Variants in MRTFB observed in about 807,000 individuals in gnomAD.
MRTFB encodes the protein myocardin-related transcription factor B.
MRTFB carries 29 observed loss-of-function variants against 104.2 expected under a neutral mutation model. That is an observed-to-expected ratio of 0.28 (90% CI 0.21 to 0.38). The LOEUF (loss-of-function observed/expected upper bound fraction) is 0.38. MRTFB is among the 10% of genes least tolerant of loss of function. The pLI, the probability that MRTFB is intolerant of heterozygous loss-of-function variation, is 1.00. For missense variants in MRTFB, 1,270 were observed against 1,341.6 expected, an observed-to-expected ratio of 0.95 and a Z score of 0.83; for synonymous variants, 535 against 519.5, an observed-to-expected ratio of 1.03 and a Z score of -0.41.
chr16:14,006,024 A>G, the MRTFB span, among the ~76,000 whole-genome samples: 19 of 152,232 alleles, frequency 1.2e-4, no homozygotes, highest in East Asian at 3.3e-3. Context: ...CCTGGCCAAC[A>G]TGGTGAAACC....
rs1282067453 is a variant in MRTFB at position 14,246,662 on chromosome 16, A to G, written c.1402A>G (p.Thr468Ala). 1.9e-6 allele frequency: 3 copies of G among 1,614,082 alleles called. No homozygotes were observed. The African/African-American group carries it at 4.0e-5, about 22-fold the overall frequency. ...NPEVTVALPV[T>A]TLHNTVTSSV... The stretch of plus-strand genomic sequence containing the variant: ...AGAAGTCACTGTGGCCTTGCCGGTT[A>G]CAACACTACACAACACTGTGACTAG... The change falls in exon 12 of 17, where the codon ACA becomes GCA. Residue 468 changes from threonine (T) to alanine (A), a missense_variant. This residue lies in a region of MRTFB where 1,144 missense variants were observed against 1,131.5 expected (regional missense o/e 1.01). Transcript: ENST00000571589.
At chr16:14,157,968 G>A in intron 3 of MRTFB, among the ~76,000 whole-genome samples, 1 of 152,074 alleles carries the variant, frequency 6.6e-6, no homozygotes, top group East Asian at 1.9e-4. Flanking sequence ...TTGAATTAAT[G>A]CATTAATTGG....
chr16:14,216,476 C>T (rs1231969691), intron 6 of MRTFB, among the ~76,000 whole-genome samples: 1 of 152,174 alleles, frequency 6.6e-6, no homozygotes, highest in Admixed American at 6.5e-5. Context: ...TATAGTTTTA[C>T]ATTGGTTGTA....
At chr16:13,998,514 T>C in the MRTFB span, among the ~76,000 whole-genome samples, 1 of 151,946 alleles carries the variant, frequency 6.6e-6, no homozygotes, top group Admixed American at 6.6e-5. Context: ...GGCATGAAGT[T>C]GCACACCTGT....
At chr16:14,021,674 GT>G in the MRTFB span, among the ~76,000 whole-genome samples, 5 of 152,150 alleles carry the variant, frequency 3.3e-5, no homozygotes, top group Admixed American at 3.3e-4. Flanking sequence ...AACATACAAT[GT>G]TTGGTTTTCC....
chr16:14,025,996 C>A, the MRTFB span, among the ~76,000 whole-genome samples: 1 of 152,138 alleles, frequency 6.6e-6, no homozygotes, highest in African/African-American at 2.4e-5. Flanking sequence ...TGGGGAGATG[C>A]ACCATGTTCA....
At chr16:14,239,581 A>G (rs936607938) in intron 9 of MRTFB, among the ~76,000 whole-genome samples, 2 of 152,214 alleles carry the variant, frequency 1.3e-5, no homozygotes, top group Non-Finnish European at 2.9e-5. Context: ...ACTGAAAAGT[A>G]TAAAGTGATC....
chr16:14,052,616 GTAATCC>G, the MRTFB span, among the ~76,000 whole-genome samples: 2 of 151,948 alleles, frequency 1.3e-5, no homozygotes, highest in Admixed American at 6.6e-5. Flanking sequence ...GCTTATGCCT[GTAATCC>G]CAGCTATTCG....
At chr16:14,254,681 C>A (rs1203426580) in intron 15 of MRTFB, among the ~76,000 whole-genome samples, 5 of 152,222 alleles carry the variant, frequency 3.3e-5, no homozygotes, top group Non-Finnish European at 7.3e-5. Context: ...TTAAGTCTAA[C>A]CAAGTTAATA....
At chr16:14,047,383 C>T in the MRTFB span, among the ~76,000 whole-genome samples, 2 of 152,180 alleles carry the variant, frequency 1.3e-5, no homozygotes, top group African/African-American at 4.8e-5. Context: ...AAGGGGCAGT[C>T]CCTGTAACAG....
In MRTFB at chr16:14,195,458, A is replaced by G. The variant is rs553226364; in HGVS notation, c.155-14785A>G. 96 of 904,678 alleles carry G rather than the reference A, an allele frequency of 1.1e-4. No homozygotes were observed. The Middle Eastern group carries it at 1.7e-3, about 16-fold the overall frequency. 56.0% of individuals were successfully genotyped at this position (904,678 alleles called of 1,614,324 possible). ...TACATAGGTATATGTACAAATGTGT[A>G]TATGTAAATATATTTGAGTGTGTGT... is the stretch of plus-strand genomic sequence containing the variant. On this transcript the variant is annotated intron_variant, in intron 3 of 16. Transcript: ENST00000571589.
intron 3 of MRTFB, among the ~76,000 whole-genome samples, chr16:14,172,092 A>T (rs1180392885): frequency 6.6e-6 from 1 of 152,148 alleles, no homozygotes; most frequent in African/African-American, 2.4e-5. Flanking sequence ...ATACAAAAAG[A>T]TGTCAGTAGA....
At chr16:14,082,058 G>C (rs995441454) in intron 2 of MRTFB, among the ~76,000 whole-genome samples, 2 of 152,156 alleles carry the variant, frequency 1.3e-5, no homozygotes, top group African/African-American at 4.8e-5. Context: ...AATCCCATTT[G>C]TCAGTTTGTG....
intron 2 of MRTFB, among the ~76,000 whole-genome samples, chr16:14,139,735 A>G (rs1275393180): frequency 6.6e-6 from 1 of 152,226 alleles, no homozygotes; most frequent in Admixed American, 6.5e-5. Context: ...AACAACCCAG[A>G]TGTCCATCAG....
At chr16:14,103,981 G>T (rs184533404) in intron 2 of MRTFB, among the ~76,000 whole-genome samples, 220 of 152,298 alleles carry the variant, frequency 1.4e-3, no homozygotes, top group Non-Finnish European at 1.8e-4. Flanking sequence ...CCATGATTTA[G>T]TATTGGCTGG....
At chr16:14,059,997 ATTTTTTTTTTTTT>A in the MRTFB span, among the ~76,000 whole-genome samples, 3 of 99,720 alleles carry the variant, frequency 3.0e-5, no homozygotes, top group East Asian at 3.3e-4. Context: ...GAGACATGTA[ATTTTTTTTTTTTT>A]TTTTTTTTTT....
the MRTFB span, among the ~76,000 whole-genome samples, chr16:14,028,220 A>ATAAC: frequency 6.6e-6 from 1 of 152,078 alleles, no homozygotes; most frequent in Admixed American, 6.6e-5. Flanking sequence ...AAAACAAAAC[A>ATAAC]AAACAAACCA....
At chr16:14,042,372 C>G in the MRTFB span, among the ~76,000 whole-genome samples, 1 of 152,196 alleles carries the variant, frequency 6.6e-6, no homozygotes, top group South Asian at 2.1e-4. Context: ...GATCCGCCCA[C>G]CTGGGCCTCC....
At chr16:14,051,804 C>T in the MRTFB span, among the ~76,000 whole-genome samples, 14 of 152,114 alleles carry the variant, frequency 9.2e-5, no homozygotes, top group African/African-American at 2.7e-4. Flanking sequence ...CTTCAGAATC[C>T]CCCAAACATC....
Sources: allele counts gnomAD v4.1 joint callset (sites outside exome capture counted in the v4.1 genomes callset), GRCh38; gene constraint gnomAD v4.1.1; regional missense constraint gnomAD v4.1.1; transcripts MANE v1.5; gene names NCBI Gene and HGNC (gene_info 2026-07-23, HGNC 2026-07-21).